Variants in ADGRL2 observed in about 807,000 individuals in gnomAD.
ADGRL2 encodes adhesion G protein-coupled receptor L2.
A neutral mutation model predicts 157.4 loss-of-function variants in ADGRL2; 44 were observed. That is an observed-to-expected ratio of 0.28 (90% CI 0.22 to 0.36). The LOEUF is 0.36. ADGRL2 is among the 10% of genes least tolerant of loss of function. The pLI is 1.00. For missense variants in ADGRL2, 1,510 were observed against 1,768.9 expected, an observed-to-expected ratio of 0.85 and a Z score of 2.63; for synonymous variants, 585 against 624.7, an observed-to-expected ratio of 0.94 and a Z score of 0.95.
At chr1:81,695,256 T>C (rs1420820909), upstream of ADGRL2, among the ~76,000 whole-genome samples, 1 of 151,736 alleles carries the variant, frequency 6.6e-6, no homozygotes, top group East Asian at 1.9e-4. Context: ...AATAAAAAGA[T>C]ATACAAATAT....
chr1:81,987,531 T>A, intron 22 of ADGRL2: 1 of 592,022 alleles, frequency 1.7e-6, no homozygotes, highest in Non-Finnish European at 3.0e-6. Context: ...TAAGAAAAAT[T>A]TCAGAATAAA....
chr1:81,735,361 G>A (rs1299197712), intron 1 of ADGRL2: 1 of 149,814 alleles, frequency 6.7e-6, no homozygotes, highest in Non-Finnish European at 1.5e-5. Context: ...GTAGCCACAG[G>A]AAACGAATAC....
intron 1 of ADGRL2, among the ~76,000 whole-genome samples, chr1:81,803,186 G>T (rs1029084057): frequency 2.0e-5 from 3 of 152,072 alleles, no homozygotes; most frequent in Admixed American, 2.0e-4. Context: ...GGAGGAGCGC[G>T]AGGGAAGGGG....
At chr1:81,874,069 T>G (rs1027735389) in intron 2 of ADGRL2, among the ~76,000 whole-genome samples, 3 of 152,138 alleles carry the variant, frequency 2.0e-5, no homozygotes, top group South Asian at 2.1e-4. Flanking sequence ...TTCCCACTCA[T>G]AAACTTTCAA....
chr1:81,399,442 G>A lies in ADGRL2; in HGVS notation c.-301-45594G>A, dbSNP rs145302060. ...AAATAGTTGTTCACTTAGTGGTATCGCATAAGTCTTGTGGGCTTTCTTCAC... is the reference window on the plus strand; with the variant it reads ...AAATAGTTGTTCACTTAGTGGTATCACATAAGTCTTGTGGGCTTTCTTCAC... On this transcript the variant is annotated intron_variant, in intron 1 of 24. Transcript: ENST00000370721. 2.2e-3 allele frequency among the ~76,000 whole-genome samples: 340 copies of A among 152,040 alleles called. 4 individuals carry two copies. The East Asian group carries it at 0.026, about 12-fold the overall frequency.
At position 81,985,304 on chromosome 1, in the gene ADGRL2, G is replaced by C; in HGVS notation, c.3457G>C (p.Glu1153Gln). 6.2e-7 allele frequency: 1 copy of C among 1,607,456 alleles called. No individual in the cohort carries two copies. Among genetic ancestry groups the C allele is most frequent in the Non-Finnish European group, 8.5e-7 (1 of 1,175,526 alleles). The change falls in exon 21 of 24, where the codon GAA becomes CAA. Residue 1153 changes from glutamate (E) to glutamine (Q), a missense_variant. By Grantham distance (29) the Glu-to-Gln change is conservative. Transcript: ENST00000686636. ...GAATGATACTGTGAGAAAACAATCA[G>C]AATCTTCTTTTATCTCAGGTGACAT... ...MWNDTVRKQS[E>Q]SSFISGDINS... is the part of the protein sequence containing the mutation.
At chr1:81,800,721 AGAGCGCGCGCCGGCG>A (rs2087915954), upstream of ADGRL2, among the ~76,000 whole-genome samples, 1 of 151,870 alleles carries the variant, frequency 6.6e-6, no homozygotes, top group Non-Finnish European at 1.5e-5. Flanking sequence ...GACAGGATGG[AGAGCGCGCGCCGGCG>A]GAGCGCGCGG....
intron 2 of ADGRL2, among the ~76,000 whole-genome samples, chr1:81,494,356 T>C (rs2078691013): frequency 6.6e-6 from 1 of 152,204 alleles, no homozygotes; most frequent in Non-Finnish European, 1.5e-5. Context: ...CAGTCCCTTA[T>C]CCTTCTTCTG....
At chr1:81,324,194 A>G (rs1307575467) in intron 1 of ADGRL2, among the ~76,000 whole-genome samples, 1 of 152,160 alleles carries the variant, frequency 6.6e-6, no homozygotes, top group African/African-American at 2.4e-5. Context: ...AGACTGAATG[A>G]GAAAGAGAGA....
rs10556401 is a variant in ADGRL2 at position 81,747,701 on chromosome 1, T to TTGTGTGTG, written c.-142-14082_-142-14075dup. 2.7e-3 allele frequency among the ~76,000 whole-genome samples: 402 copies of TTGTGTGTG among 147,340 alleles called. 3 individuals are homozygous for TTGTGTGTG. The highest frequency in any genetic ancestry group is 5.6e-3 in the African/African-American group (219 of 39,456). On this transcript the variant is annotated intron_variant, in intron 1 of 20. Transcript: ENST00000359929. ...TGAAAAATAATTTTTCCTTTAATGT[T>TTGTGTGTG]TGTGTGTGTGTGTGTGTGTGTGTGT...
chr1:81,313,200 TAAGAA>T (rs1659871175), intron 1 of ADGRL2, among the ~76,000 whole-genome samples: 1 of 152,138 alleles, frequency 6.6e-6, no homozygotes. Flanking sequence ...ATTTTGTAGC[TAAGAA>T]AAGAAAAGAG....
intron 3 of ADGRL2, among the ~76,000 whole-genome samples, chr1:81,660,699 C>T (rs1200460724): frequency 6.6e-6 from 1 of 152,090 alleles, no homozygotes; most frequent in African/African-American, 2.4e-5. Flanking sequence ...TAAAAGAAAA[C>T]AGAACCTGGC....
intron 1 of ADGRL2, among the ~76,000 whole-genome samples, chr1:81,351,429 A>G (rs781366364): frequency 3.3e-5 from 5 of 152,162 alleles, no homozygotes; most frequent in Non-Finnish European, 7.3e-5. Flanking sequence ...AAGTCAATCC[A>G]ATTTGATTCT....
chr1:81,493,899 C>T (rs766703461), intron 2 of ADGRL2, among the ~76,000 whole-genome samples: 11 of 152,052 alleles, frequency 7.2e-5, no homozygotes, highest in South Asian at 2.1e-4. Context: ...TTATTTAAAA[C>T]GTGGGGACAG....
At chr1:81,832,018 G>T (rs1474530887) in intron 1 of ADGRL2, among the ~76,000 whole-genome samples, 1 of 152,146 alleles carries the variant, frequency 6.6e-6, no homozygotes, top group Non-Finnish European at 1.5e-5. Flanking sequence ...GTAAGGATTA[G>T]TGATATGTAT....
chr1:81,898,636 A>G (rs1352627567), intron 2 of ADGRL2, among the ~76,000 whole-genome samples: 1 of 152,178 alleles, frequency 6.6e-6, no homozygotes, highest in East Asian at 1.9e-4. Context: ...CTTATTACGC[A>G]TCCTTGATTT....
At chr1:81,879,981 C>G (rs1187187270) in intron 2 of ADGRL2, among the ~76,000 whole-genome samples, 1 of 152,156 alleles carries the variant, frequency 6.6e-6, no homozygotes, top group Non-Finnish European at 1.5e-5. Flanking sequence ...GAGCCAAGAT[C>G]TTGTCACTGT....
intron 3 of ADGRL2, among the ~76,000 whole-genome samples, chr1:81,917,421 GTAGT>G (rs1364573882): frequency 1.3e-5 from 2 of 152,028 alleles, no homozygotes; most frequent in African/African-American, 4.8e-5. Flanking sequence ...TTATAGCAAT[GTAGT>G]TAGATTTTTT....
At chr1:81,329,006 CTGCTTTTAG>C (rs968840748) in intron 1 of ADGRL2, among the ~76,000 whole-genome samples, 1 of 151,732 alleles carries the variant, frequency 6.6e-6, no homozygotes, top group Admixed American at 6.6e-5. Flanking sequence ...TAGAGTTTAG[CTGCTTTTAG>C]TGCAAAACCC....
Sources: allele counts gnomAD v4.1 joint callset (sites outside exome capture counted in the v4.1 genomes callset), GRCh38; gene constraint gnomAD v4.1.1; transcripts MANE v1.5; gene names NCBI Gene and HGNC (gene_info 2026-07-23, HGNC 2026-07-21).